The following CRTAC1 variants were observed in gnomAD, a reference collection of about 807,000 sequenced individuals.
CRTAC1 encodes acidic secreted protein in cartilage.
CRTAC1 carries 37 observed loss-of-function variants against 67.8 expected under a neutral mutation model. The ratio of observed to expected loss-of-function variants is 0.55; its 90% CI spans 0.42 to 0.72. The LOEUF (loss-of-function observed/expected upper bound fraction) is 0.72. Ranked by LOEUF, CRTAC1 falls within the 30% of genes least tolerant of loss-of-function variation. The pLI is 0.00. For synonymous variants in CRTAC1, 348 were observed against 371.0 expected, an observed-to-expected ratio of 0.94 and a Z score of 0.71; for missense variants, 780 against 931.6, an observed-to-expected ratio of 0.84 and a Z score of 2.12.
chr10:97,938,415 A>G (rs1411048303), intron 2 of CRTAC1, among the ~76,000 whole-genome samples: 1 of 152,170 alleles, frequency 6.6e-6, no homozygotes, highest in African/African-American at 2.4e-5. Flanking sequence ...CCTCATATGC[A>G]CAGTCTCACT....
intron 1 of CRTAC1, among the ~76,000 whole-genome samples, chr10:98,013,099 G>C (rs770186421): frequency 2.0e-5 from 3 of 152,198 alleles, no homozygotes; most frequent in Non-Finnish European, 4.4e-5. Flanking sequence ...ATGTAGCATG[G>C]ATCTGAAGGT....
intron 5 of CRTAC1, among the ~76,000 whole-genome samples, chr10:97,916,441 T>C (rs561985186): frequency 6.6e-6 from 1 of 152,250 alleles, no homozygotes; most frequent in Non-Finnish European, 1.5e-5. Context: ...TCAACATTAA[T>C]CTCCCCCTTT....
At chr10:97,921,596 C>T (rs1164957131) in intron 4 of CRTAC1, among the ~76,000 whole-genome samples, 2 of 152,140 alleles carry the variant, frequency 1.3e-5, no homozygotes, top group East Asian at 1.9e-4. Flanking sequence ...TCGGCATGTC[C>T]CTAGTGTAAG....
chr10:97,983,374 T>G (rs1271174789), intron 2 of CRTAC1, among the ~76,000 whole-genome samples: 1 of 151,858 alleles, frequency 6.6e-6, no homozygotes, highest in Non-Finnish European at 1.5e-5. Context: ...AGACATCTAC[T>G]GAAAAACTAG....
At chr10:97,948,353 AGAGAG>A (rs761542598) in intron 2 of CRTAC1, among the ~76,000 whole-genome samples, 2 of 152,162 alleles carry the variant, frequency 1.3e-5, no homozygotes, top group Non-Finnish European at 2.9e-5. Flanking sequence ...CTGTTTCCTT[AGAGAG>A]GAGAGGAGAG....
In CRTAC1 at chr10:98,030,378, TC is replaced by T. The variant is rs1843347230; in HGVS notation, c.24+70del. On this transcript the variant is annotated intron_variant, in intron 1 of 14. Coordinates refer to ENST00000370597, the MANE Select transcript of CRTAC1 (RefSeq NM_018058.7). This position sits in a 1 kb window ranked among gnomAD's most constrained non-coding sequence, Gnocchi z 4.2. Reference sequence around the variant, plus strand: ...CGTCCCCGCCACCCTTGCGGGCGGATCCGGGGGGGCGCGCAGAGCTGGAGAA... The same window carrying T: ...CGTCCCCGCCACCCTTGCGGGCGGATCGGGGGGGCGCGCAGAGCTGGAGAA... 3 of 1,001,750 alleles carry T rather than the reference TC, an allele frequency of 3.0e-6. No individual in the cohort carries two copies. In the African/African-American group the frequency reaches 5.0e-5, roughly 17 times the overall value. The allele number at this position is 1,001,750 out of a possible 1,614,324, so 62.1% of individuals were successfully genotyped here.
chr10:97,921,587 C>T (rs55655470), intron 4 of CRTAC1, among the ~76,000 whole-genome samples: 119,377 of 151,618 alleles, frequency 0.79, 47,126 homozygotes, highest in East Asian at 0.92. Flanking sequence ...GCATAAGGCT[C>T]GGCATGTCCC....
chr10:97,949,547 T>C (rs987621163), intron 2 of CRTAC1, among the ~76,000 whole-genome samples: 14 of 152,226 alleles, frequency 9.2e-5, no homozygotes, highest in African/African-American at 3.1e-4. Context: ...CTACGGAGTG[T>C]CTTGGTAAAG....
At chr10:97,893,279 T>C (rs2050402962) in intron 11 of CRTAC1, among the ~76,000 whole-genome samples, 2 of 152,182 alleles carry the variant, frequency 1.3e-5, no homozygotes, top group Non-Finnish European at 2.9e-5. Context: ...TATGTGTGTA[T>C]AATATTAACA....
chr10:97,889,460 G>GT (rs1554913318), intron 11 of CRTAC1, among the ~76,000 whole-genome samples: 2 of 149,892 alleles, frequency 1.3e-5, no homozygotes, highest in African/African-American at 2.4e-5. Flanking sequence ...TGGTGGGGGG[G>GT]GGTCCACTGA....
intron 14 of CRTAC1, chr10:97,879,729 T>C (rs1349036554): frequency 5.8e-6 from 9 of 1,550,272 alleles, no homozygotes; most frequent in South Asian, 3.6e-5. Flanking sequence ...TAGAGAAAGA[T>C]ATGAGGCCCG....
At chr10:97,882,932 T>C in intron 12 of CRTAC1, 104 bp from the exon 13 acceptor site, 1 of 1,173,116 alleles carries the variant, frequency 8.5e-7, no homozygotes, top group Non-Finnish European at 1.3e-6. Flanking sequence ...AACCACAGTG[T>C]GAGGCATGCT....
intron 2 of CRTAC1, among the ~76,000 whole-genome samples, chr10:98,009,404 A>G (rs1842863694): frequency 1.3e-5 from 2 of 151,980 alleles, no homozygotes; most frequent in African/African-American, 4.8e-5. Flanking sequence ...GAGCAACTCT[A>G]CTCTTTGCAG....
At chr10:97,902,229 C>T (rs951171360) in intron 7 of CRTAC1, among the ~76,000 whole-genome samples, 27 of 152,308 alleles carry the variant, frequency 1.8e-4, no homozygotes, top group African/African-American at 6.5e-4. Flanking sequence ...GTAATAGCTG[C>T]CTGGGTTGTG....
At chr10:97,901,223 G>A (rs368001766) in intron 8 of CRTAC1, among the ~76,000 whole-genome samples, 2 of 152,070 alleles carry the variant, frequency 1.3e-5, no homozygotes, top group South Asian at 2.1e-4. Flanking sequence ...ATCTTGTGGC[G>A]CTTGGGTTCT....
chr10:97,892,300 T>C (rs1414996721), intron 11 of CRTAC1, among the ~76,000 whole-genome samples: 1 of 152,210 alleles, frequency 6.6e-6, no homozygotes, highest in African/African-American at 2.4e-5. Flanking sequence ...GGAAGGAGAA[T>C]CTCAGCCCCC....
intron 11 of CRTAC1, among the ~76,000 whole-genome samples, chr10:97,893,555 T>C (rs1214497344): frequency 1.3e-5 from 2 of 152,206 alleles, no homozygotes; most frequent in African/African-American, 2.4e-5. Context: ...CCCCCATACA[T>C]TTATTTTAAA....
rs906400043 is a variant in CRTAC1 at position 98,030,143 on chromosome 10, C to T, written c.24+306G>A. 2.0e-5 allele frequency among the ~76,000 whole-genome samples: 3 copies of T among 152,042 alleles called. No individual in the cohort carries two copies. On this transcript the variant is annotated intron_variant, in intron 1 of 14. Transcript: ENST00000370597. This position sits in a 1 kb window ranked among gnomAD's most constrained non-coding sequence, Gnocchi z 4.2. ...GAGGCCCCCTCCCCTGACAGCTGACCTCCAGTGCGCCCCCAACACTTTCTC... is the reference window on the plus strand; with the variant it reads ...GAGGCCCCCTCCCCTGACAGCTGACTTCCAGTGCGCCCCCAACACTTTCTC...
chr10:97,981,451 T>C (rs1289864290), intron 2 of CRTAC1, among the ~76,000 whole-genome samples: 1 of 152,250 alleles, frequency 6.6e-6, no homozygotes, highest in Non-Finnish European at 1.5e-5. Flanking sequence ...CTCCATGTCC[T>C]TAAATATTAT....
Sources: gnomAD v4.1 joint callset for allele counts (sites outside exome capture counted in the v4.1 genomes callset) on GRCh38, gnomAD v4.1.1 for gene constraint, Gnocchi (gnomAD v3.1) non-coding constraint, MANE v1.5 for transcripts, NCBI Gene and HGNC (gene_info 2026-07-23, HGNC 2026-07-21) for gene names.